Variants in CMKLR1 observed in about 807,000 individuals in gnomAD.
CMKLR1 encodes chemerin chemokine-like receptor 1.
In CMKLR1, 6 loss-of-function variants were observed where a neutral mutation model predicts 8.2. That is an observed-to-expected ratio of 0.73 (90% CI 0.40 to 1.44). The LOEUF is 1.44. CMKLR1 is among the 40% of genes most tolerant of loss of function. The pLI is 0.02. For missense variants in CMKLR1, 429 were observed against 478.0 expected (o/e 0.90, Z 0.96); for synonymous variants, 178 against 181.2 (o/e 0.98, Z 0.14).
intron 2 of CMKLR1, among the ~76,000 whole-genome samples, chr12:108,324,144 G>A (rs973035400): frequency 6.6e-6 from 1 of 152,174 alleles, no homozygotes; most frequent in African/African-American, 2.4e-5. Flanking sequence ...TGACGACTGG[G>A]TTCTTGCCGG....
At chr12:108,294,769 A>C (rs1339686321) in intron 2 of CMKLR1, among the ~76,000 whole-genome samples, 1 of 152,064 alleles carries the variant, frequency 6.6e-6, no homozygotes, top group Non-Finnish European at 1.5e-5. Flanking sequence ...TGATCTCCCC[A>C]TCTTGTCAAA....
chr12:108,326,568 G>C (rs1444083803), intron 2 of CMKLR1, among the ~76,000 whole-genome samples: 1 of 152,214 alleles, frequency 6.6e-6, no homozygotes, highest in East Asian at 1.9e-4. Flanking sequence ...GAAAGGGTCT[G>C]CAGCACGTGA....
intron 3 of CMKLR1, 93 bp downstream of exon 3, chr12:108,293,496 C>T: frequency 7.2e-7 from 1 of 1,382,362 alleles, no homozygotes; most frequent in Non-Finnish European, 1.0e-6. Flanking sequence ...GCTTCTAAAA[C>T]CAAGTGGACA....
chr12:108,325,647 A>C (rs1360519345), intron 2 of CMKLR1, among the ~76,000 whole-genome samples: 1 of 152,098 alleles, frequency 6.6e-6, no homozygotes, highest in East Asian at 1.9e-4. Flanking sequence ...TCATCCTTAC[A>C]CCCATTTTAC....
Position 108,316,846 on chromosome 12 carries a change from C to T in CMKLR1, c.-74+13149G>A, listed in dbSNP as rs1327708431. Among the ~76,000 whole-genome samples, 8 of 152,304 alleles carry T rather than the reference C, an allele frequency of 5.3e-5. No individual in the cohort carries two copies. In the South Asian group the frequency reaches 1.0e-3, roughly 20 times the overall value. ...GAAAGCCACAGGCACCGGTTGGAACCGCCAGTGGGAGCTCAATCACAGCTC... is the reference window on the plus strand; with the variant it reads ...GAAAGCCACAGGCACCGGTTGGAACTGCCAGTGGGAGCTCAATCACAGCTC... On this transcript the variant is annotated intron_variant, in intron 2 of 3. Coordinates refer to ENST00000550402, the MANE Select transcript of CMKLR1 (RefSeq NM_001142343.2).
chr12:108,307,036 C>A (rs1025128378), intron 2 of CMKLR1, among the ~76,000 whole-genome samples: 3 of 152,216 alleles, frequency 2.0e-5, no homozygotes, highest in Admixed American at 6.5e-5. Flanking sequence ...ACCGCCCCAG[C>A]CCCTGGAGCT....
chr12:108,293,987 C>A (rs1184923929), intron 2 of CMKLR1, among the ~76,000 whole-genome samples: 2 of 152,174 alleles, frequency 1.3e-5, no homozygotes, highest in Non-Finnish European at 2.9e-5. Flanking sequence ...ACATGGATGG[C>A]TCAATCCACT....
At chr12:108,336,623 A>C (rs910469494) in intron 1 of CMKLR1, among the ~76,000 whole-genome samples, 1 of 152,154 alleles carries the variant, frequency 6.6e-6, no homozygotes, top group Non-Finnish European at 1.5e-5. Flanking sequence ...AGAAGCTCTG[A>C]GTCTACTTCA....
At chr12:108,298,773 C>G (rs1891195923) in intron 2 of CMKLR1, among the ~76,000 whole-genome samples, 1 of 152,232 alleles carries the variant, frequency 6.6e-6, no homozygotes, top group Non-Finnish European at 1.5e-5. Context: ...TCTCCAGGCC[C>G]AGCACCAAGA....
chr12:108,289,589 A>G lies in CMKLR1; in HGVS notation c.*2252T>C, dbSNP rs911624359. On this transcript the variant is annotated 3_prime_UTR_variant, in exon 4 of 4. Coordinates refer to ENST00000550402, the MANE Select transcript of CMKLR1 (RefSeq NM_001142343.2). Reference sequence around the variant, plus strand: ...CAGGAAAAGCAGCATCCTACAAGCCAGGAGGGCCAAGGCGCTGACGACTGC... The same window carrying G: ...CAGGAAAAGCAGCATCCTACAAGCCGGGAGGGCCAAGGCGCTGACGACTGC... 1 of 152,234 alleles carries G rather than the reference A, an allele frequency of 6.6e-6. No homozygotes were observed. The highest frequency in any genetic ancestry group is 1.5e-5 in the Non-Finnish European group (1 of 68,040). The allele number at this position is 152,234 out of a possible 1,614,324, so 9.4% of individuals were successfully genotyped here. A position where few individuals can be genotyped will look rare whatever the true frequency, so the allele number is the denominator to read the frequency against.
chr12:108,300,466 GATGA>G (rs5800818), intron 2 of CMKLR1, among the ~76,000 whole-genome samples: 60,634 of 151,342 alleles, frequency 0.4, 12,969 homozygotes, highest in Admixed American at 0.51. Flanking sequence ...AATATTGTTT[GATGA>G]ATGAATGAAT....
At chr12:108,308,208 A>G (rs1199561235) in intron 2 of CMKLR1, among the ~76,000 whole-genome samples, 1 of 152,146 alleles carries the variant, frequency 6.6e-6, no homozygotes, top group South Asian at 2.1e-4. Context: ...CCTCATCTGT[A>G]GCATCTGTCT....
At chr12:108,293,013 T>C in intron 3 of CMKLR1, 54 bp from the exon 4 acceptor site, 4 of 1,512,242 alleles carry the variant, frequency 2.6e-6, no homozygotes, top group Non-Finnish European at 3.6e-6. Flanking sequence ...CTTTAAGAGG[T>C]TGACCAATAC....
intron 2 of CMKLR1, among the ~76,000 whole-genome samples, chr12:108,321,825 C>T (rs995401283): frequency 2.0e-5 from 3 of 152,306 alleles, no homozygotes; most frequent in Admixed American, 1.3e-4. Context: ...AGGAATTGAG[C>T]ACATATGGTG....
intron 2 of CMKLR1, among the ~76,000 whole-genome samples, chr12:108,298,645 C>T (rs746297102): frequency 1.1e-4 from 16 of 152,186 alleles, no homozygotes; most frequent in Admixed American, 2.6e-4. Flanking sequence ...GACACACACA[C>T]GGGGGTTACT....
chr12:108,334,970 C>T (rs1215679444), intron 1 of CMKLR1, among the ~76,000 whole-genome samples: 1 of 152,122 alleles, frequency 6.6e-6, no homozygotes, highest in Non-Finnish European at 1.5e-5. Flanking sequence ...GCCTATGTTT[C>T]AGAAAAATCC....
intron 3 of CMKLR1, among the ~76,000 whole-genome samples, chr12:108,293,214 C>T (rs556301059): frequency 6.6e-6 from 1 of 152,316 alleles, no homozygotes; most frequent in East Asian, 1.9e-4. Context: ...TGAGCCTCAA[C>T]TTACAAATGA....
chr12:108,290,499 G>T lies in CMKLR1; in HGVS notation c.*1342C>A, dbSNP rs569535593. On this transcript the variant is annotated 3_prime_UTR_variant, in exon 4 of 4. Coordinates refer to ENST00000550402, the MANE Select transcript of CMKLR1 (RefSeq NM_001142343.2). ...TCAATATACTAGAATAATCTCCACA[G>T]ATAAATTCCAAATAGAAGAACAGAG... The T allele has an allele frequency of 1.4e-4, 21 of 152,330 alleles. No individual in the cohort carries two copies. Among genetic ancestry groups the T allele is most frequent in the African/African-American group, 5.1e-4 (21 of 41,580 alleles). The allele number at this position is 152,330 out of a possible 1,614,324, so 9.4% of individuals were successfully genotyped here.
At chr12:108,327,681 G>C (rs1021992853) in intron 2 of CMKLR1, among the ~76,000 whole-genome samples, 4 of 152,200 alleles carry the variant, frequency 2.6e-5, no homozygotes, top group Non-Finnish European at 5.9e-5. Flanking sequence ...GGTAGGACTG[G>C]TCCCAGAGGA....
Sources: allele counts gnomAD v4.1 joint callset (sites outside exome capture counted in the v4.1 genomes callset), GRCh38; gene constraint gnomAD v4.1.1; transcripts MANE v1.5; gene names NCBI Gene and HGNC (gene_info 2026-07-23, HGNC 2026-07-21).